The following MIAT variants were observed in gnomAD, a reference collection of about 807,000 sequenced individuals.
MIAT encodes myocardial infarction associated transcript.
chr22:26,654,288 C>T (rs1361509958), intron 2 of MIAT, among the ~76,000 whole-genome samples: 1 of 152,090 alleles, frequency 6.6e-6, no homozygotes, highest in Non-Finnish European at 1.5e-5. Flanking sequence ...CATAGATTCA[C>T]TATTGCTCAT....
intron 2 of MIAT, among the ~76,000 whole-genome samples, chr22:26,661,632 C>G (rs188911765): frequency 6.6e-6 from 1 of 152,086 alleles, no homozygotes; most frequent in East Asian, 1.9e-4. Context: ...CCCAGGGCCA[C>G]GCAGCGAATT....
intron 2 of MIAT, chr22:26,660,938 G>A (rs890468439): frequency 1.2e-4 from 19 of 152,168 alleles, no homozygotes; most frequent in South Asian, 2.1e-4. Context: ...AAAAGCGGCC[G>A]TGAGGCTATG....
chr22:26,648,834 A>G (rs17405847), intron 2 of MIAT, among the ~76,000 whole-genome samples: 8,158 of 152,072 alleles, frequency 0.054, 347 homozygotes, highest in African/African-American at 0.12. Flanking sequence ...ATAATAACTA[A>G]CCAGGTATAA....
downstream of MIAT, chr22:26,674,272 T>C (rs1457248292): frequency 5.0e-6 from 2 of 398,568 alleles, no homozygotes; most frequent in African/African-American, 4.1e-5. Context: ...CGGGAGTTTT[T>C]CTGGAAGGGA....
At chr22:26,666,780 G>C (rs1930860518) in exon 4 of MIAT, 1 of 398,902 alleles carries the variant, frequency 2.5e-6, no homozygotes. Flanking sequence ...TCAGCAGGGA[G>C]TTCTGGCAAG....
downstream of MIAT, chr22:26,673,383 A>G: frequency 5.0e-6 from 2 of 398,972 alleles, no homozygotes; most frequent in Non-Finnish European, 8.8e-6. Context: ...CACCCAGCTA[A>G]TCCCTGCCTC....
At chr22:26,661,961 T>TATATATATATATATAC (rs1336346956) in intron 2 of MIAT, among the ~76,000 whole-genome samples, 2 of 44,016 alleles carry the variant, frequency 4.5e-5, no homozygotes, top group Admixed American at 2.5e-4. Context: ...TATATATATA[T>TATATATATATATATAC]ACACACACAC....
At chr22:26,661,936 A>C (rs1352365640) in intron 2 of MIAT, among the ~76,000 whole-genome samples, 8 of 30,568 alleles carry the variant, frequency 2.6e-4, no homozygotes, top group East Asian at 5.1e-3. Flanking sequence ...ATATATATAT[A>C]TATATATATA....
intron 2 of MIAT, among the ~76,000 whole-genome samples, chr22:26,661,515 A>G (rs922320654): frequency 6.6e-6 from 1 of 152,086 alleles, no homozygotes; most frequent in Non-Finnish European, 1.5e-5. Context: ...CCACTTTGTT[A>G]CCGTTTACCA....
At chr22:26,665,247 AAAAGAAAGAAAGAAAGAAAG>A (rs10529015) in intron 3 of MIAT, among the ~76,000 whole-genome samples, 14 of 144,268 alleles carry the variant, frequency 9.7e-5, no homozygotes, top group South Asian at 4.5e-4. Flanking sequence ...TCTCCAGAAA[AAAAGAAAGAAAGAAAGAAAG>A]AAAGAAAGAA....
exon 6 of MIAT, chr22:26,668,189 C>T: frequency 2.5e-6 from 1 of 398,630 alleles, no homozygotes. Flanking sequence ...CTCCAGGACT[C>T]CTGGCCTGGA....
chr22:26,667,361 C>CGTGTAA (rs1930885879), intron 5 of MIAT: 1 of 383,090 alleles, frequency 2.6e-6, no homozygotes, highest in Non-Finnish European at 4.5e-6. Flanking sequence ...TGTGCGTGTG[C>CGTGTAA]ACATGTGTGT....
downstream of MIAT, chr22:26,673,357 C>T (rs1931134178): frequency 2.5e-6 from 1 of 398,950 alleles, no homozygotes; most frequent in Non-Finnish European, 4.4e-6. Flanking sequence ...GGCTCCCTTG[C>T]GCTAACTCTT....
intron 2 of MIAT, among the ~76,000 whole-genome samples, chr22:26,647,945 A>G (rs1001098476): frequency 6.6e-6 from 1 of 152,092 alleles, no homozygotes; most frequent in Non-Finnish European, 1.5e-5. Flanking sequence ...GTGTTTTTGT[A>G]AAGTCTCCTG....
intron 2 of MIAT, chr22:26,657,424 G>A: frequency 5.0e-6 from 2 of 398,358 alleles, no homozygotes; most frequent in East Asian, 3.6e-5. Context: ...TGAGGGCCGG[G>A]GGTGGGGCGC....
chr22:26,670,056 ATTT>A (rs35523695), downstream of MIAT: 15 of 386,256 alleles, frequency 3.9e-5, no homozygotes, highest in Admixed American at 4.6e-5. Flanking sequence ...GGGTTTATCT[ATTT>A]TTTTTTTTTT....
chr22:26,651,256 T>C (rs1353834481), intron 2 of MIAT, among the ~76,000 whole-genome samples: 1 of 152,202 alleles, frequency 6.6e-6, no homozygotes. Flanking sequence ...TGAGATTTTC[T>C]ATCTGGGTAA....
At chr22:26,670,600 C>CT (rs144430504), downstream of MIAT, 1,982 of 327,288 alleles carry the variant, frequency 6.1e-3, 143 homozygotes, top group South Asian at 0.016. Flanking sequence ...GTCATTGCTC[C>CT]TTAAAAAAAA....
At chr22:26,660,943 G>A (rs1016363955) in intron 2 of MIAT, 1 of 152,214 alleles carries the variant, frequency 6.6e-6, no homozygotes, top group African/African-American at 2.4e-5. Flanking sequence ...CGGCCGTGAG[G>A]CTATGAACCA....
Sources: gnomAD v4.1 joint callset for allele counts (sites outside exome capture counted in the v4.1 genomes callset) on GRCh38, gnomAD v4.1.1 for gene constraint, MANE v1.5 for transcripts, NCBI Gene and HGNC (gene_info 2026-07-23, HGNC 2026-07-21) for gene names.